ERC1: variants seen among roughly 807,000 people sequenced by gnomAD.
ERC1 encodes the protein RAB6 interacting protein 2.
ERC1 carries 56 observed loss-of-function variants against 132.0 expected under a neutral mutation model. The observed-to-expected ratio is 0.42, with a 90% confidence interval of 0.34 to 0.53. The LOEUF is 0.53. ERC1 is among the 20% of genes least tolerant of loss of function. The pLI, the probability that ERC1 is intolerant of heterozygous loss-of-function variation, is 0.03. For missense variants in ERC1, 1,202 were observed against 1,349.9 expected, an observed-to-expected ratio of 0.89 and a Z score of 1.72; for synonymous variants, 478 against 476.1, an observed-to-expected ratio of 1.00 and a Z score of -0.05.
At chr12:1,347,985 G>GA (rs1174805567) in intron 15 of ERC1, among the ~76,000 whole-genome samples, 8 of 149,490 alleles carry the variant, frequency 5.4e-5, no homozygotes, top group Non-Finnish European at 7.4e-5. Flanking sequence ...TCGGTCTCAA[G>GA]AAAAAAAAAA....
intron 17 of ERC1, among the ~76,000 whole-genome samples, chr12:1,422,072 T>C (rs992708976): frequency 1.3e-5 from 2 of 152,216 alleles, no homozygotes; most frequent in Non-Finnish European, 2.9e-5. Flanking sequence ...ATTCAGTCTT[T>C]TCCCATAATC....
At chr12:1,115,765 G>A in intron 6 of ERC1, 101 bp from the exon 7 acceptor site, 3 of 1,015,316 alleles carry the variant, frequency 3.0e-6, no homozygotes, top group Non-Finnish European at 4.3e-6. Flanking sequence ...AGTTCGTGCT[G>A]CATTTAGTTT....
Position 1,473,487 on chromosome 12 carries a change from G to A in ERC1, c.3214-16606G>A, listed in dbSNP as rs554728917. 3.0e-4 allele frequency among the ~76,000 whole-genome samples: 45 copies of A among 152,142 alleles called. 1 individual carries two copies. The South Asian group carries it at 8.7e-3, about 30-fold the overall frequency. On this transcript the variant is annotated intron_variant, in intron 18 of 18. Transcript: ENST00000360905. Reference sequence around the variant, plus strand: ...TCATCACAAAGTAGGAAGGGGAGCTGGGTGTGATGGTGCGCACCCGTAGTC... The same window carrying A: ...TCATCACAAAGTAGGAAGGGGAGCTAGGTGTGATGGTGCGCACCCGTAGTC...
chr12:994,754 G>A (rs984235871), intron 1 of ERC1, among the ~76,000 whole-genome samples: 7 of 151,960 alleles, frequency 4.6e-5, no homozygotes, highest in African/African-American at 1.7e-4. Context: ...TTGGGAGGCC[G>A]AGGTGGGAGG....
rs113426469 is a variant in ERC1, at chr12:1,289,267, T to A, written c.2620-585T>A. On this transcript the variant is annotated intron_variant, in intron 14 of 18. Transcript: ENST00000360905. The stretch of plus-strand genomic sequence containing the variant: ...TGTATAGTTATATAGGTATATAGGG[T>A]TATATTTCCTTCCTGCCTTCCTTAA... Among the ~76,000 whole-genome samples, 869 of 150,514 alleles carry A rather than the reference T, an allele frequency of 5.8e-3. 14 individuals are homozygous for A. The highest frequency in any genetic ancestry group is 0.02 in the African/African-American group (820 of 41,164).
intron 15 of ERC1, among the ~76,000 whole-genome samples, chr12:1,341,916 G>A (rs1055799248): frequency 6.6e-5 from 10 of 152,136 alleles, no homozygotes; most frequent in African/African-American, 2.2e-4. Flanking sequence ...TCAAAACTTC[G>A]TTTGAACTTA....
At chr12:1,195,606 C>T (rs983790685) in intron 12 of ERC1, among the ~76,000 whole-genome samples, 1 of 152,198 alleles carries the variant, frequency 6.6e-6, no homozygotes, top group Non-Finnish European at 1.5e-5. Context: ...ACCCCTTTCT[C>T]CTGAACATTA....
At chr12:1,358,960 A>G (rs2085806501) in intron 15 of ERC1, among the ~76,000 whole-genome samples, 1 of 152,218 alleles carries the variant, frequency 6.6e-6, no homozygotes, top group Non-Finnish European at 1.5e-5. Flanking sequence ...TCTTACATCG[A>G]CAAAGATAAG....
At chr12:1,224,260 C>G (rs2074380398) in intron 12 of ERC1, among the ~76,000 whole-genome samples, 1 of 152,152 alleles carries the variant, frequency 6.6e-6, no homozygotes, top group African/African-American at 2.4e-5. Context: ...TGCACACACA[C>G]ACGTACACAG....
chr12:1,421,975 G>A (rs186900121), intron 17 of ERC1, among the ~76,000 whole-genome samples: 2 of 152,306 alleles, frequency 1.3e-5, no homozygotes, highest in African/African-American at 2.4e-5. Flanking sequence ...GTAGTAAGCC[G>A]AGATCATGCC....
At chr12:1,305,079 CTGTT>C (rs2154347120) in intron 15 of ERC1, among the ~76,000 whole-genome samples, 1 of 152,286 alleles carries the variant, frequency 6.6e-6, no homozygotes, top group South Asian at 2.1e-4. Context: ...TGCTCCCGGC[CTGTT>C]TGTTGTAACT....
rs966441250 is a variant in ERC1 at position 1,259,338 on chromosome 12, A to G, written c.2488-3696A>G. 1.1e-4 allele frequency among the ~76,000 whole-genome samples: 16 copies of G among 152,122 alleles called. No homozygotes were observed. In the East Asian group the frequency reaches 3.1e-3, roughly 29 times the overall value. On this transcript the variant is annotated intron_variant, in intron 13 of 18. Transcript: ENST00000360905. ...ATCTTATCATAGATGATGAGGAATT[A>G]GTGTTTTTACACAAACCAACACACA...
chr12:1,440,663 TGTGTGA>T (rs200129559), intron 17 of ERC1, among the ~76,000 whole-genome samples: 15 of 108,894 alleles, frequency 1.4e-4, no homozygotes, highest in African/African-American at 3.2e-4. Flanking sequence ...TGTGTGTGTG[TGTGTGA>T]TGGAGTCTCA....
intron 17 of ERC1, among the ~76,000 whole-genome samples, chr12:1,412,860 G>A (rs766225786): frequency 6.6e-6 from 1 of 152,120 alleles, no homozygotes; most frequent in Non-Finnish European, 1.5e-5. Flanking sequence ...ACTTAGATCC[G>A]TCTCCAGGAA....
chr12:1,392,168 G>C (rs545490489), intron 16 of ERC1, among the ~76,000 whole-genome samples: 1 of 152,158 alleles, frequency 6.6e-6, no homozygotes, highest in Non-Finnish European at 1.5e-5. Context: ...CAGGGTGGGG[G>C]TCAGTGATGG....
chr12:1,410,903 A>G (rs932693676), intron 17 of ERC1, among the ~76,000 whole-genome samples: 2 of 151,028 alleles, frequency 1.3e-5, no homozygotes, highest in Admixed American at 1.3e-4. Context: ...TTATAAATAC[A>G]TGGTGTTTAA....
chr12:1,363,516 C>T (rs574626099), intron 15 of ERC1, among the ~76,000 whole-genome samples: 1 of 151,014 alleles, frequency 6.6e-6, no homozygotes, highest in East Asian at 1.9e-4. Flanking sequence ...ACTTCTCTAC[C>T]CATTCCCTTG....
At chr12:1,170,562 C>CT (rs984436394) in intron 8 of ERC1, among the ~76,000 whole-genome samples, 1 of 152,144 alleles carries the variant, frequency 6.6e-6, no homozygotes, top group African/African-American at 2.4e-5. Flanking sequence ...TATGTGCCCT[C>CT]TTTGTCTTTT....
chr12:1,447,756 T>G (rs1448612394), intron 18 of ERC1, among the ~76,000 whole-genome samples: 1 of 152,022 alleles, frequency 6.6e-6, no homozygotes, highest in East Asian at 2.0e-4. Flanking sequence ...TTCAAGCAAT[T>G]CTCGTGCCTC....
Sources: gnomAD v4.1 joint callset for allele counts (sites outside exome capture counted in the v4.1 genomes callset) on GRCh38, gnomAD v4.1.1 for gene constraint, MANE v1.5 for transcripts, NCBI Gene and HGNC (gene_info 2026-07-23, HGNC 2026-07-21) for gene names.